The following JARID2 variants were observed in gnomAD, a reference collection of about 807,000 sequenced individuals.
The protein encoded by JARID2 is jumonji and AT-rich interaction domain containing 2, also known as protein Jumonji.
A neutral mutation model predicts 125.6 loss-of-function variants in JARID2; 21 were observed. That is an observed-to-expected ratio of 0.17 (90% CI 0.12 to 0.24). The LOEUF (loss-of-function observed/expected upper bound fraction) is 0.24, where lower values mean the gene tolerates loss of function less well. JARID2 is among the 10% of genes least tolerant of loss of function. The pLI is 1.00. For missense variants in JARID2, 1,303 were observed against 1,639.6 expected, an observed-to-expected ratio of 0.79 and a Z score of 3.55; for synonymous variants, 736 against 661.6, an observed-to-expected ratio of 1.11 and a Z score of -1.73.
intron 2 of JARID2, among the ~76,000 whole-genome samples, chr6:15,377,456 A>G (rs1764398843): frequency 6.6e-6 from 1 of 152,144 alleles, no homozygotes; most frequent in African/African-American, 2.4e-5. Context: ...CAGCCAAACC[A>G]TATCACAGCG....
chr6:15,352,578 C>A (rs1213808743), intron 1 of JARID2, among the ~76,000 whole-genome samples: 1 of 152,134 alleles, frequency 6.6e-6, no homozygotes, highest in Non-Finnish European at 1.5e-5. Context: ...AGATCCTTTT[C>A]CTGTGCTTCA....
rs76272353 is a variant in JARID2, at chr6:15,371,445, G to A, written c.46-2672G>A. Among the ~76,000 whole-genome samples the A allele has an allele frequency of 7.4e-3, 1,120 of 152,330 alleles. 14 individuals are homozygous for A. Among genetic ancestry groups the A allele is most frequent in the African/African-American group, 0.026 (1,062 of 41,554 alleles). ...ACCTGGTGGTGATGAAGAGAATTCT[G>A]TCTGACAGCCTTTATGAATAGACTG... On this transcript the variant is annotated intron_variant, in intron 1 of 17. Coordinates refer to ENST00000341776, the MANE Select transcript of JARID2 (RefSeq NM_004973.4).
chr6:15,453,823 G>C (rs181639117), intron 4 of JARID2, among the ~76,000 whole-genome samples: 1 of 152,048 alleles, frequency 6.6e-6, no homozygotes, highest in African/African-American at 2.4e-5. Flanking sequence ...AATGTTCCAG[G>C]CTCATGGTGT....
chr6:15,313,642 T>C (rs1762088108), intron 1 of JARID2, among the ~76,000 whole-genome samples: 1 of 152,178 alleles, frequency 6.6e-6, no homozygotes, highest in Admixed American at 6.5e-5. Flanking sequence ...AGAAATGGTG[T>C]ATGTTTCTTG....
At chr6:15,358,103 T>A (rs192144777) in intron 1 of JARID2, among the ~76,000 whole-genome samples, 19 of 152,324 alleles carry the variant, frequency 1.2e-4, no homozygotes, top group Admixed American at 1.2e-3. Flanking sequence ...GGCATGTATG[T>A]TAAAATTGGA....
At chr6:15,294,513 G>A (rs1361618089) in intron 1 of JARID2, among the ~76,000 whole-genome samples, 1 of 152,202 alleles carries the variant, frequency 6.6e-6, no homozygotes, top group African/African-American at 2.4e-5. Flanking sequence ...AAGAAATTAG[G>A]TAACAGGTCA....
chr6:15,311,532 C>G (rs193146364), intron 1 of JARID2, among the ~76,000 whole-genome samples: 2 of 152,270 alleles, frequency 1.3e-5, no homozygotes, highest in Non-Finnish European at 2.9e-5. Flanking sequence ...GAGCCGAGAT[C>G]GCGCCATTGT....
chr6:15,372,178 C>G (rs554239735), intron 1 of JARID2, among the ~76,000 whole-genome samples: 10 of 152,270 alleles, frequency 6.6e-5, no homozygotes, highest in Middle Eastern at 6.8e-3. Context: ...CTAGACTTCT[C>G]ATTGAGTCCC....
At chr6:15,509,432 T>C (rs777701052) in intron 12 of JARID2, 28 of 850,210 alleles carry the variant, frequency 3.3e-5, no homozygotes, top group Non-Finnish European at 4.0e-5. Context: ...GCTGTTCTGG[T>C]GAGTGGTGCT....
chr6:15,463,447 CG>C lies in JARID2; in HGVS notation c.494-5094del, dbSNP rs1360060009. The stretch of plus-strand genomic sequence containing the variant: ...TTCCTTTTTTTTTTTTTTTTTTTTC[CG>C]AGGTGGAGTTGCCCTCTTGTTGCCC... On this transcript the variant is annotated intron_variant, in intron 4 of 17. Transcript: ENST00000341776. Among the ~76,000 whole-genome samples the C allele has an allele frequency of 9.9e-3, 112 of 11,282 alleles. 1 individual carries two copies. In the East Asian group the frequency reaches 0.11, roughly 11 times the overall value. The allele number at this position is 11,282 out of a possible 152,430, so 7.4% of individuals were successfully genotyped here. A position where few individuals can be genotyped will look rare whatever the true frequency, so the allele number is the denominator to read the frequency against.
chr6:15,514,627 G>T (rs958935169), intron 16 of JARID2, among the ~76,000 whole-genome samples: 3 of 148,644 alleles, frequency 2.0e-5, no homozygotes, highest in Non-Finnish European at 4.4e-5. Flanking sequence ...GGATGAGTCA[G>T]ATCGTCAGAT....
chr6:15,377,873 A>T (rs1764419888), intron 2 of JARID2, among the ~76,000 whole-genome samples: 3 of 134,244 alleles, frequency 2.2e-5, no homozygotes, highest in South Asian at 2.5e-4. Flanking sequence ...TTTTTTTTCA[A>T]TTTTTTTTCT....
At chr6:15,449,497 C>T (rs1341892351) in intron 3 of JARID2, among the ~76,000 whole-genome samples, 1 of 151,506 alleles carries the variant, frequency 6.6e-6, no homozygotes, top group Non-Finnish European at 1.5e-5. Context: ...AAAAAAAACC[C>T]AGCAACAGCA....
intron 2 of JARID2, among the ~76,000 whole-genome samples, chr6:15,383,480 A>G (rs1434898515): frequency 2.6e-5 from 4 of 152,010 alleles, no homozygotes; most frequent in African/African-American, 9.7e-5. Flanking sequence ...TATTTTTCCC[A>G]TAATAAAGTA....
In JARID2 at chr6:15,254,353, C is replaced by T. The variant is rs183712217; in HGVS notation, c.45+7769C>T. 6.6e-5 allele frequency among the ~76,000 whole-genome samples: 10 copies of T among 152,230 alleles called. No individual in the cohort carries two copies. The East Asian group carries it at 1.2e-3, about 18-fold the overall frequency. ...CCAGGGCTGTTGACTTTTTCTTGTA[C>T]TTGTATCATTGCCCCTGACTTTGAG... On this transcript the variant is annotated intron_variant, in intron 1 of 17. Coordinates refer to ENST00000341776, the MANE Select transcript of JARID2 (RefSeq NM_004973.4).
intron 2 of JARID2, among the ~76,000 whole-genome samples, chr6:15,390,679 A>G (rs1217432551): frequency 6.6e-6 from 1 of 152,282 alleles, no homozygotes; most frequent in South Asian, 2.1e-4. Flanking sequence ...TGTGCTCTGT[A>G]AAACTGAAGG....
intron 1 of JARID2, among the ~76,000 whole-genome samples, chr6:15,327,546 T>C (rs1300980988): frequency 2.0e-5 from 3 of 150,892 alleles, no homozygotes; most frequent in Non-Finnish European, 4.4e-5. Context: ...TGTGTGTGTG[T>C]GTGTGCGCGT....
Position 15,520,807 on chromosome 6 carries a change from G to A in JARID2, c.*556G>A, listed in dbSNP as rs1334622370. 5 of 455,806 alleles carry A rather than the reference G, an allele frequency of 1.1e-5. No individual in the cohort carries two copies. Among genetic ancestry groups the A allele is most frequent in the Admixed American group, 2.4e-5 (1 of 42,534 alleles). The allele number at this position is 455,806 out of a possible 1,614,324, so 28.2% of individuals were successfully genotyped here. On this transcript the variant is annotated 3_prime_UTR_variant, in exon 18 of 18. Transcript: ENST00000341776. ...GCACCCCCGTTTTGTTTCTCTGGGC[G>A]GTTGTGGCAGCTGAAGGCGGACGTT... is the stretch of plus-strand genomic sequence containing the variant.
rs760660 is a variant in JARID2, at chr6:15,471,139, A to T, written c.670+2421A>T. 1.9e-3 allele frequency among the ~76,000 whole-genome samples: 295 copies of T among 152,108 alleles called. 1 individual carries two copies. Among genetic ancestry groups the T allele is most frequent in the Non-Finnish European group, 3.2e-3 (218 of 67,984 alleles). ...CAGGGGCCTGCAGAGGCGGGGGTGAAGGTAATTGAATAGGAATTAGGAATG... is the reference window on the plus strand; with the variant it reads ...CAGGGGCCTGCAGAGGCGGGGGTGATGGTAATTGAATAGGAATTAGGAATG... On this transcript the variant is annotated intron_variant, in intron 5 of 17. Transcript: ENST00000341776.
Sources: allele counts gnomAD v4.1 joint callset (sites outside exome capture counted in the v4.1 genomes callset), GRCh38; gene constraint gnomAD v4.1.1; transcripts MANE v1.5; gene names NCBI Gene and HGNC (gene_info 2026-07-23, HGNC 2026-07-21).